STPG2: variants seen among roughly 807,000 people sequenced by gnomAD.
STPG2 encodes the protein sperm-tail PG-rich repeat-containing protein 2.
Under a neutral mutation model 54.2 loss-of-function variants are expected in STPG2, and 56 were observed. That is an observed-to-expected ratio of 1.03 (90% CI 0.83 to 1.29). The LOEUF (loss-of-function observed/expected upper bound fraction) is 1.29. STPG2 is among the 50% of genes most tolerant of loss of function. The pLI is 0.00. For synonymous variants in STPG2, 200 were observed against 181.8 expected (o/e 1.10, Z -0.81); for missense variants, 596 against 544.9 (o/e 1.09, Z -0.93).
chr4:98,010,028 G>T, intron 5 of STPG2, among the ~76,000 whole-genome samples: 1 of 151,632 alleles, frequency 6.6e-6, no homozygotes, highest in East Asian at 1.9e-4. Flanking sequence ...AATGTGTGTT[G>T]ATTTTATCTT....
intron 1 of STPG2, among the ~76,000 whole-genome samples, chr4:98,139,471 T>A (rs1740220773): frequency 6.6e-6 from 1 of 152,188 alleles, no homozygotes. Context: ...TCATACTCCA[T>A]AAAATGAACC....
At chr4:97,463,890 C>T (rs1729728191) in intron 4 of STPG2, among the ~76,000 whole-genome samples, 1 of 152,104 alleles carries the variant, frequency 6.6e-6, no homozygotes, top group African/African-American at 2.4e-5. Context: ...TCTGAGATCC[C>T]ATCTTGATAC....
intron 8 of STPG2, among the ~76,000 whole-genome samples, chr4:97,876,747 A>T (rs1056648847): frequency 6.6e-6 from 1 of 152,002 alleles, no homozygotes; most frequent in African/African-American, 2.4e-5. Context: ...TTTTCTTGGT[A>T]TTTCTACATA....
chr4:97,833,372 C>A (rs1315564522), intron 9 of STPG2, among the ~76,000 whole-genome samples: 1 of 152,176 alleles, frequency 6.6e-6, no homozygotes, highest in African/African-American at 2.4e-5. Context: ...GAATTAAACA[C>A]TTAAACATAA....
At chr4:97,901,048 A>AAT (rs1235159564) in intron 8 of STPG2, among the ~76,000 whole-genome samples, 3 of 152,034 alleles carry the variant, frequency 2.0e-5, no homozygotes, top group Non-Finnish European at 4.4e-5. Context: ...TCAAGATTTT[A>AAT]ATGCAATTGT....
chr4:97,986,439 G>GT (rs1734835474), intron 5 of STPG2, among the ~76,000 whole-genome samples: 1 of 152,180 alleles, frequency 6.6e-6, no homozygotes, highest in African/African-American at 2.4e-5. Flanking sequence ...TATGACTGTT[G>GT]TATCACTAGT....
chr4:97,565,395 C>T (rs903373374), intron 10 of STPG2, among the ~76,000 whole-genome samples: 4 of 152,262 alleles, frequency 2.6e-5, no homozygotes, highest in South Asian at 4.1e-4. Context: ...TCCTGTAGCT[C>T]GGAGTAGTTT....
At chr4:97,736,990 C>A (rs1725023918) in intron 9 of STPG2, among the ~76,000 whole-genome samples, 2 of 152,162 alleles carry the variant, frequency 1.3e-5, no homozygotes, top group South Asian at 4.1e-4. Flanking sequence ...CCTCACACGG[C>A]CGGGTACTCC....
chr4:97,728,708 C>T (rs1666741196), intron 9 of STPG2, among the ~76,000 whole-genome samples: 1 of 151,934 alleles, frequency 6.6e-6, no homozygotes, highest in South Asian at 2.1e-4. Context: ...AAGGAGAATG[C>T]TCAGCTGGAG....
chr4:97,480,546 CATT>C (rs1395716810), intron 4 of STPG2, among the ~76,000 whole-genome samples: 1 of 151,512 alleles, frequency 6.6e-6, no homozygotes, highest in African/African-American at 2.4e-5. Flanking sequence ...ATTATAAAAA[CATT>C]ATAATTCCCA....
intron 10 of STPG2, among the ~76,000 whole-genome samples, chr4:97,711,087 T>C (rs906404394): frequency 6.6e-6 from 1 of 151,962 alleles, no homozygotes; most frequent in Admixed American, 6.6e-5. Flanking sequence ...GAAAGACTAG[T>C]GGGAACATCC....
chr4:97,670,626 C>T (rs554858077), intron 10 of STPG2, among the ~76,000 whole-genome samples: 2 of 152,244 alleles, frequency 1.3e-5, no homozygotes, highest in South Asian at 4.1e-4. Context: ...TAAATTTATT[C>T]TTGACCTTGC....
chr4:97,871,989 T>A (rs1345631717), intron 8 of STPG2, among the ~76,000 whole-genome samples: 1 of 151,160 alleles, frequency 6.6e-6, no homozygotes, highest in Non-Finnish European at 1.5e-5. Context: ...TTATTTAAGA[T>A]TATGAAATTG....
chr4:97,608,695 T>C (rs1218069493), intron 10 of STPG2, among the ~76,000 whole-genome samples: 1 of 152,092 alleles, frequency 6.6e-6, no homozygotes, highest in Non-Finnish European at 1.5e-5. Context: ...ATGTGATGTT[T>C]CACTCTCAGT....
intron 5 of STPG2, among the ~76,000 whole-genome samples, chr4:97,990,531 T>G (rs1044177785): frequency 1.3e-5 from 2 of 152,230 alleles, no homozygotes; most frequent in African/African-American, 4.8e-5. Flanking sequence ...GTTCTCATCT[T>G]AGACCTAATG....
chr4:98,011,692 T>A (rs1001887726), intron 5 of STPG2, among the ~76,000 whole-genome samples: 8 of 152,254 alleles, frequency 5.3e-5, no homozygotes, highest in Non-Finnish European at 1.0e-4. Context: ...AGTTTTGATT[T>A]TCATTTCTCT....
In STPG2 at chr4:98,105,994, G is replaced by A; in HGVS notation, c.571C>T (p.Pro191Ser). 1 of 1,557,780 alleles carries A rather than the reference G, an allele frequency of 6.4e-7. No homozygotes were observed. Among genetic ancestry groups the A allele is most frequent in the Non-Finnish European group, 8.8e-7 (1 of 1,137,208 alleles). The change falls in exon 5 of 11, where the codon CCA becomes TCA. Residue 191 changes from proline (P) to serine (S), a missense_variant. Physicochemically the swap from Pro to Ser is moderately conservative, Grantham distance 74. Coordinates refer to ENST00000295268, the MANE Select transcript of STPG2 (RefSeq NM_174952.3). ...AATACTATTATTTCATATAGTCGTGGGATAAATGAACAATAATTTTGTTGT... is the reference window on the plus strand; with the variant it reads ...AATACTATTATTTCATATAGTCGTGAGATAAATGAACAATAATTTTGTTGT... ...DQQQNYCSFIPRLYEIIVLQE... is the reference protein window; with the variant it reads ...DQQQNYCSFISRLYEIIVLQE...
At chr4:98,029,916 T>G (rs1736540461) in intron 5 of STPG2, among the ~76,000 whole-genome samples, 1 of 152,068 alleles carries the variant, frequency 6.6e-6, no homozygotes, top group African/African-American at 2.4e-5. Flanking sequence ...ATATATTATC[T>G]CTAAAACCCA....
Position 97,795,900 on chromosome 4 carries a change from T to C in STPG2, c.1204+44873A>G, listed in dbSNP as rs556151919. ...TTTTAATGACCACCATTCTAACTGG[T>C]GTGAGATGATATCTCATTGTGGTTT... On this transcript the variant is annotated intron_variant, in intron 9 of 10. Transcript: ENST00000295268. Among the ~76,000 whole-genome samples the C allele has an allele frequency of 1.6e-3, 245 of 152,276 alleles. 2 individuals are homozygous for C. Among genetic ancestry groups the C allele is most frequent in the Non-Finnish European group, 2.3e-3 (155 of 68,002 alleles).
Sources: gnomAD v4.1 joint callset for allele counts (sites outside exome capture counted in the v4.1 genomes callset) on GRCh38, gnomAD v4.1.1 for gene constraint, MANE v1.5 for transcripts, NCBI Gene and HGNC (gene_info 2026-07-23, HGNC 2026-07-21) for gene names.